CARD14: variants seen among roughly 807,000 people sequenced by gnomAD.
CARD14 encodes caspase recruitment domain family member 14, also known as caspase recruitment domain-containing protein 14.
Under a neutral mutation model 111.5 loss-of-function variants are expected in CARD14, and 107 were observed. The ratio of observed to expected loss-of-function variants is 0.96; its 90% CI spans 0.82 to 1.13. The LOEUF (loss-of-function observed/expected upper bound fraction) is 1.13. Ranked by LOEUF, CARD14 falls within the 50% of genes most tolerant of loss-of-function variation. CARD14 has a pLI of 0.00. For missense variants in CARD14, 1,322 were observed against 1,362.3 expected (o/e 0.97, Z 0.47); for synonymous variants, 617 against 579.6 (o/e 1.06, Z -0.93).
At chr17:80,206,922 C>A in intron 22 of CARD14, 48 bp from the exon 23 acceptor site, 1 of 1,447,992 alleles carries the variant, frequency 6.9e-7, no homozygotes, top group Non-Finnish European at 9.6e-7. Context: ...CCTTTGCTTC[C>A]TCTGAGGCCT....
chr17:80,208,357 C>A lies in CARD14; in HGVS notation c.*12C>A. On this transcript the variant is annotated 3_prime_UTR_variant, in exon 24 of 24. Transcript: ENST00000648509. Reference sequence around the variant, plus strand: ...AGAGCCCCCGATGATGCACCGTGCCCCTTCCCGGGACTGTGGGGGCTTCTG... The same window carrying A: ...AGAGCCCCCGATGATGCACCGTGCCACTTCCCGGGACTGTGGGGGCTTCTG... 6.3e-7 allele frequency: 1 copy of A among 1,577,928 alleles called. No homozygotes were observed. Among genetic ancestry groups the A allele is most frequent in the Non-Finnish European group, 8.6e-7 (1 of 1,159,878 alleles).
At chr17:80,181,350 C>T (rs1165693199) in intron 4 of CARD14, 69 bp from the exon 5 acceptor site, 32 of 1,175,464 alleles carry the variant, frequency 2.7e-5, no homozygotes, top group South Asian at 5.9e-5. Flanking sequence ...GATTTTAAAA[C>T]GGTGTCACCC....
intron 4 of CARD14, among the ~76,000 whole-genome samples, chr17:80,179,710 C>T (rs761885961): frequency 9.9e-5 from 15 of 152,262 alleles, no homozygotes; most frequent in East Asian, 5.8e-4. Flanking sequence ...CGCATGCCTG[C>T]GGTCTCAGCT....
At position 80,201,440 on chromosome 17, in the gene CARD14, C is replaced by CTT. The variant is rs2040969161; in HGVS notation, c.1852-302_1852-301dup. 1 of 367,914 alleles carries CTT rather than the reference C, an allele frequency of 2.7e-6. No individual in the cohort carries two copies. The highest frequency in any genetic ancestry group is 5.0e-6 in the Non-Finnish European group (1 of 199,512). 22.8% of individuals were successfully genotyped at this position (367,914 alleles called of 1,614,324 possible). A position where few individuals can be genotyped will look rare whatever the true frequency, so the allele number is the denominator to read the frequency against. On this transcript the variant is annotated intron_variant, in intron 16 of 23. Coordinates refer to ENST00000648509, the MANE Select transcript of CARD14 (RefSeq NM_001366385.1). The surrounding 1 kb of genome is among the most constrained non-coding windows in gnomAD (Gnocchi z 5.0). The stretch of plus-strand genomic sequence containing the variant: ...TCTTGAATGTTCTAGAACCGAGGTT[C>CTT]TTTCTTTTCTTTTCTTTTCTTTTTC...
In CARD14 at chr17:80,181,551, G is replaced by T; in HGVS notation, c.113G>T (p.Arg38Leu). The T allele has an allele frequency of 6.4e-7, 1 of 1,573,038 alleles. No individual in the cohort carries two copies. Among genetic ancestry groups the T allele is most frequent in the African/African-American group, 1.4e-5 (1 of 73,896 alleles). Residue 38 changes from arginine to leucine, a missense_variant, in exon 5 of 24, where the codon CGC becomes CTC. By Grantham distance (102) the Arg-to-Leu change is moderately radical. Coordinates refer to ENST00000648509, the MANE Select transcript of CARD14 (RefSeq NM_001366385.1). Reference sequence around the variant, plus strand: ...ATCGTACGCTGCATCTGCCCCAGCCGCCTCACCCCCTACCTGCGCCAGGCC... The same window carrying T: ...ATCGTACGCTGCATCTGCCCCAGCCTCCTCACCCCCTACCTGCGCCAGGCC... ...HRIVRCICPS[R>L]LTPYLRQAKV... is the part of the protein sequence containing the mutation.
intron 7 of CARD14, chr17:80,187,650 C>A: frequency 1.7e-6 from 1 of 585,770 alleles, no homozygotes. Context: ...TTCTTGGCCA[C>A]AGCCCAGGGG....
At position 80,173,725 on chromosome 17, in the gene CARD14, A is replaced by G. The variant is rs1214602311; in HGVS notation, c.-367+497A>G. ...GTGATTCTCCTGCCTCAGCTTCCCA[A>G]GTAGCTGGGATTACAGGCACACACC... On this transcript the variant is annotated intron_variant, in intron 2 of 23. Coordinates refer to ENST00000648509, the MANE Select transcript of CARD14 (RefSeq NM_001366385.1). Among the ~76,000 whole-genome samples the G allele has an allele frequency of 2.0e-5, 3 of 151,602 alleles. No homozygotes were observed. The East Asian group carries it at 5.8e-4, about 30-fold the overall frequency.
At position 80,205,123 on chromosome 17, in the gene CARD14, T is replaced by C; in HGVS notation, c.2487T>C (p.Pro829=). The C allele has an allele frequency of 6.2e-7, 1 of 1,613,748 alleles. No individual in the cohort carries two copies. The highest frequency in any genetic ancestry group is 8.5e-7 in the Non-Finnish European group (1 of 1,179,924). Residue 829 remains proline, a synonymous_variant, in exon 21 of 24, where the codon CCT becomes CCC. Transcript: ENST00000648509. The part of the protein sequence containing the change: ...VRPHRPARPR[P]VLLVPRAVGK... ...CCCATCGACCCGCCCGGCCCCGGCC[T>C]GTGCTCCTCGTGCCCAGGGCGGTTG...
chr17:80,201,630 G>A lies in CARD14; in HGVS notation c.1852-114G>A. 9.3e-7 allele frequency: 1 copy of A among 1,078,436 alleles called. No individual in the cohort carries two copies. The highest frequency in any genetic ancestry group is 1.3e-5 in the South Asian group (1 of 77,750). The allele number at this position is 1,078,436 out of a possible 1,614,324, so 66.8% of individuals were successfully genotyped here. On this transcript the variant is annotated intron_variant, in intron 16 of 23. Transcript: ENST00000648509. The surrounding 1 kb of genome is among the most constrained non-coding windows in gnomAD (Gnocchi z 5.0). The stretch of plus-strand genomic sequence containing the variant: ...GTTTTGACCAAGGCGTGCAGGCAGT[G>A]GTCCTACGGCAGGGCTGGCCCGCGC...
rs993316580 is a variant in CARD14, at chr17:80,204,022, C to A, written c.2283+137C>A. The A allele has an allele frequency of 1.8e-5, 15 of 811,264 alleles. No individual in the cohort carries two copies. In the African/African-American group the frequency reaches 2.3e-4, roughly 12 times the overall value. The allele number at this position is 811,264 out of a possible 1,614,324, so 50.3% of individuals were successfully genotyped here. ...TAACCCCACCTGTCTCTCCTCTGCA[C>A]CCCTTCAAACCAGGGCAGGGTCTGC... On this transcript the variant is annotated intron_variant, in intron 19 of 23. Coordinates refer to ENST00000648509, the MANE Select transcript of CARD14 (RefSeq NM_001366385.1).
chr17:80,194,396 C>T (rs981945246), intron 12 of CARD14, among the ~76,000 whole-genome samples: 2 of 152,170 alleles, frequency 1.3e-5, no homozygotes, highest in Non-Finnish European at 2.9e-5. Context: ...AAAGAAGGGG[C>T]GGGATTCAGA....
chr17:80,204,636 A>T (rs2041179085), intron 20 of CARD14: 1 of 363,790 alleles, frequency 2.7e-6, no homozygotes, highest in African/African-American at 2.0e-5. Context: ...GGAAAAAAAA[A>T]AAATTTCAGG....
At chr17:80,192,354 G>A in intron 11 of CARD14, 149 bp from the exon 12 acceptor site, 2 of 643,280 alleles carry the variant, frequency 3.1e-6, no homozygotes, top group Non-Finnish European at 5.7e-6. Context: ...GGGCTCGGAG[G>A]ACAGGGACAC....
chr17:80,171,984 C>T (rs1190142204), intron 1 of CARD14, among the ~76,000 whole-genome samples: 1 of 152,226 alleles, frequency 6.6e-6, no homozygotes, highest in Non-Finnish European at 1.5e-5. Context: ...CTCGGCTGAC[C>T]ACCAGTCCTG....
chr17:80,188,818 G>A lies in CARD14; in HGVS notation c.843+274G>A, dbSNP rs571431391. 2.5e-4 allele frequency: 59 copies of A among 232,916 alleles called. No individual in the cohort carries two copies. Among genetic ancestry groups the A allele is most frequent in the African/African-American group, 1.3e-3 (58 of 44,362 alleles). 14.4% of individuals were successfully genotyped at this position (232,916 alleles called of 1,614,324 possible). A position where few individuals can be genotyped will look rare whatever the true frequency, so the allele number is the denominator to read the frequency against. Reference sequence around the variant, plus strand: ...GTAATCCCAGCACTTGGGAGGCCAAGATGGGCAAGATAGCTTGAGCTCAGG... The same window carrying A: ...GTAATCCCAGCACTTGGGAGGCCAAAATGGGCAAGATAGCTTGAGCTCAGG... On this transcript the variant is annotated intron_variant, in intron 8 of 23. Coordinates refer to ENST00000648509, the MANE Select transcript of CARD14 (RefSeq NM_001366385.1). This position sits in a 1 kb window ranked among gnomAD's most constrained non-coding sequence, Gnocchi z 4.5.
Position 80,202,340 on chromosome 17 carries a change from C to A in CARD14, c.2139C>A (p.Cys713Ter), listed in dbSNP as rs142449734. 1.2e-6 allele frequency: 2 copies of A among 1,613,402 alleles called. No homozygotes were observed. The highest frequency in any genetic ancestry group is 2.2e-5 in the East Asian group (1 of 44,868). The part of the protein sequence containing the change: ...LHVTDTMFQG[C>*]GCWHAHRVNS... ...TCACCGACACCATGTTCCAGGGCTG[C>A]GGCTGCTGGCATGCCCACCGCGTGA... Residue 713 changes from cysteine (C) to a stop codon, truncating the protein, a stop_gained, in exon 18 of 24, where the codon TGC (cysteine) becomes TGA (stop). Coordinates refer to ENST00000648509, the MANE Select transcript of CARD14 (RefSeq NM_001366385.1). LOFTEE classifies it high-confidence loss of function.
chr17:80,183,877 A>C (rs528087905), intron 6 of CARD14, 36 bp from the exon 7 acceptor site: 1 of 1,446,108 alleles, frequency 6.9e-7, no homozygotes, highest in East Asian at 2.5e-5. Context: ...TTACCTCCCT[A>C]CCTGCTCACT....
At chr17:80,205,242 C>A in intron 21 of CARD14, 37 bp downstream of exon 21, 2 of 1,548,490 alleles carry the variant, frequency 1.3e-6, no homozygotes, top group South Asian at 1.2e-5. Context: ...ACCCCTTCCA[C>A]CTTCCCTCCC....
intron 16 of CARD14, among the ~76,000 whole-genome samples, chr17:80,200,447 G>C (rs1407292173): frequency 6.6e-6 from 1 of 151,886 alleles, no homozygotes; most frequent in Non-Finnish European, 1.5e-5. Flanking sequence ...ATGTTGGCCA[G>C]GCTGATCTCG....
Sources: allele counts gnomAD v4.1 joint callset (sites outside exome capture counted in the v4.1 genomes callset), GRCh38; gene constraint gnomAD v4.1.1; non-coding constraint Gnocchi (gnomAD v3.1); transcripts MANE v1.5; gene names NCBI Gene and HGNC (gene_info 2026-07-23, HGNC 2026-07-21).